The following ADCY1 variants were observed in gnomAD, a reference collection of about 807,000 sequenced individuals.
ADCY1 encodes adenylate cyclase 1.
A neutral mutation model predicts 105.4 loss-of-function variants in ADCY1; 28 were observed. The ratio of observed to expected loss-of-function variants is 0.27; its 90% confidence interval spans 0.20 to 0.36. ADCY1 has a LOEUF of 0.36. ADCY1 is among the 10% of genes least tolerant of loss of function. ADCY1 has a pLI of 1.00. For missense variants in ADCY1, 977 were observed against 1,434.2 expected (o/e 0.68, Z 5.15); for synonymous variants, 655 against 623.8 (o/e 1.05, Z -0.75).
intron 2 of ADCY1, among the ~76,000 whole-genome samples, chr7:45,603,856 G>T (rs1249232980): frequency 1.3e-5 from 2 of 152,030 alleles, no homozygotes; most frequent in Non-Finnish European, 2.9e-5. Flanking sequence ...TTATTTGGAG[G>T]TTCATCCATA....
intron 2 of ADCY1, among the ~76,000 whole-genome samples, chr7:45,602,943 G>A (rs535526253): frequency 6.6e-6 from 1 of 152,220 alleles, no homozygotes; most frequent in African/African-American, 2.4e-5. Flanking sequence ...TCCATTAGCA[G>A]TCACTCTCCA....
intron 5 of ADCY1, among the ~76,000 whole-genome samples, chr7:45,652,504 T>A (rs1794836255): frequency 6.6e-6 from 1 of 152,262 alleles, no homozygotes; most frequent in South Asian, 2.1e-4. Flanking sequence ...GAGAAAGTCT[T>A]TTCCTTGTTG....
intron 11 of ADCY1, among the ~76,000 whole-genome samples, chr7:45,684,067 G>A (rs544040020): frequency 3.3e-5 from 5 of 152,236 alleles, no homozygotes; most frequent in Admixed American, 2.6e-4. Context: ...AGTGATTCAC[G>A]GTCAGTAAAG....
chr7:45,611,250 T>C (rs929361228), intron 3 of ADCY1, among the ~76,000 whole-genome samples: 2 of 151,848 alleles, frequency 1.3e-5, no homozygotes, highest in African/African-American at 4.8e-5. Context: ...GCAGATGTGG[T>C]CAGGAGGTTC....
At chr7:45,636,829 C>G (rs1400465840) in intron 4 of ADCY1, among the ~76,000 whole-genome samples, 2 of 152,244 alleles carry the variant, frequency 1.3e-5, no homozygotes, top group African/African-American at 4.8e-5. Flanking sequence ...GCATGAGCCT[C>G]CATACCCAGC....
In ADCY1 at chr7:45,715,401, A is replaced by G. The variant is rs952149129; in HGVS notation, c.*1406A>G. On this transcript the variant is annotated 3_prime_UTR_variant, in exon 20 of 20. Transcript: ENST00000297323. ...TGCAGATGAGGCCTGAGCCCTGCCT[A>G]TGCTCAAAGCCAGCAGGGTTGGGGG... 1 of 152,446 alleles carries G rather than the reference A, an allele frequency of 6.6e-6. No individual in the cohort carries two copies. The highest frequency in any genetic ancestry group is 2.4e-5 in the African/African-American group (1 of 41,462). The allele number at this position is 152,446 out of a possible 1,614,324, so 9.4% of individuals were successfully genotyped here. A position where few individuals can be genotyped will look rare whatever the true frequency, so the allele number is the denominator to read the frequency against.
At chr7:45,581,260 C>T (rs1256243185) in intron 1 of ADCY1, among the ~76,000 whole-genome samples, 1 of 152,184 alleles carries the variant, frequency 6.6e-6, no homozygotes, top group Non-Finnish European at 1.5e-5. Flanking sequence ...CCACACTGTT[C>T]TGGGCTCAGT....
chr7:45,631,409 G>A (rs991149413), intron 4 of ADCY1, among the ~76,000 whole-genome samples: 6 of 152,202 alleles, frequency 3.9e-5, no homozygotes, highest in Non-Finnish European at 8.8e-5. Context: ...GCAGGAAACT[G>A]CTAATCACTG....
intron 4 of ADCY1, among the ~76,000 whole-genome samples, chr7:45,632,857 C>T (rs1213547118): frequency 2.0e-5 from 3 of 152,132 alleles, no homozygotes; most frequent in African/African-American, 7.2e-5. Flanking sequence ...AGGCATGAAC[C>T]ACCATGCTCG....
chr7:45,685,874 CT>C, intron 12 of ADCY1, 87 bp from the exon 13 acceptor site: 1 of 1,491,706 alleles, frequency 6.7e-7, no homozygotes, highest in Non-Finnish European at 8.9e-7. Flanking sequence ...CTTGGGAGAC[CT>C]GCTTGAAGAG....
At chr7:45,600,079 G>T (rs74515807) in intron 2 of ADCY1, among the ~76,000 whole-genome samples, 2,872 of 152,348 alleles carry the variant, frequency 0.019, 78 homozygotes, top group South Asian at 0.13. Context: ...TAGAGCCCAG[G>T]TGTGGCCGGG....
chr7:45,665,362 C>T (rs1450394679), intron 8 of ADCY1, among the ~76,000 whole-genome samples: 1 of 152,164 alleles, frequency 6.6e-6, no homozygotes, highest in Admixed American at 6.5e-5. Flanking sequence ...TTACGCTCAT[C>T]GCCCACTGGG....
rs956373149 is a variant in ADCY1, at chr7:45,721,442, T to G, written c.*7447T>G. ...CTAATTTCAAATATACAGAATCTCC[T>G]TAAGAGCTGTTGCCTTATTTTTTTG... On this transcript the variant is annotated 3_prime_UTR_variant, in exon 20 of 20. Transcript: ENST00000297323. 5.2e-6 allele frequency: 2 copies of G among 382,602 alleles called. No homozygotes were observed. Among genetic ancestry groups the G allele is most frequent in the East Asian group, 7.4e-5 (2 of 26,870 alleles). 23.7% of individuals were successfully genotyped at this position (382,602 alleles called of 1,614,324 possible). A position where few individuals can be genotyped will look rare whatever the true frequency, so the allele number is the denominator to read the frequency against.
intron 11 of ADCY1, among the ~76,000 whole-genome samples, chr7:45,681,386 T>G (rs1046738870): frequency 2.0e-5 from 3 of 152,182 alleles, no homozygotes; most frequent in African/African-American, 4.8e-5. Context: ...TGCCACTAGC[T>G]CCTTTCCTTC....
rs1393839710 is a variant in ADCY1, at chr7:45,686,405, T to G, written c.2328-142T>G. On this transcript the variant is annotated intron_variant, in intron 13 of 19. Transcript: ENST00000297323. The surrounding 1 kb of genome is among the most constrained non-coding windows in gnomAD (Gnocchi z 4.3). ...ACTCAGATTTCCCTATGATAAGTGA[T>G]TCTTGGCCAAGGTCAATCCCAGCAA... The G allele has an allele frequency of 6.3e-6, 9 of 1,423,510 alleles. No individual in the cohort carries two copies. Among genetic ancestry groups the G allele is most frequent in the African/African-American group, 1.4e-5 (1 of 69,790 alleles). The allele number at this position is 1,423,510 out of a possible 1,614,324, so 88.2% of individuals were successfully genotyped here.
intron 2 of ADCY1, among the ~76,000 whole-genome samples, chr7:45,603,916 A>G (rs763033445): frequency 6.6e-5 from 10 of 152,170 alleles, no homozygotes; most frequent in Non-Finnish European, 1.2e-4. Flanking sequence ...GTGGCATTCT[A>G]TGGTGTGGCT....
chr7:45,662,203 G>C lies in ADCY1; in HGVS notation c.1594G>C (p.Asp532His). The change falls in exon 8 of 20, where the codon GAC (aspartate) becomes CAC (histidine). Residue 532 changes from aspartate (D) to histidine (H), a missense_variant. Physicochemically the swap from Asp to His is moderately conservative, Grantham distance 81. Transcript: ENST00000297323. ...CTTCTCCAATGTCATGACCTGCGAG[G>C]ACGATGACAAGGTAGGAGCAGCCAG... ...IPFSNVMTCE[D>H]DDKRRALRTA... The C allele has an allele frequency of 6.2e-7, 1 of 1,613,102 alleles. No homozygotes were observed. Among genetic ancestry groups the C allele is most frequent in the Non-Finnish European group, 8.5e-7 (1 of 1,179,730 alleles).
chr7:45,638,944 T>G (rs894393623), intron 4 of ADCY1, among the ~76,000 whole-genome samples: 4 of 151,976 alleles, frequency 2.6e-5, no homozygotes, highest in Non-Finnish European at 2.9e-5. Flanking sequence ...TGTTTCTGAG[T>G]CTCTGGTGTT....
intron 11 of ADCY1, 45 bp from the exon 12 acceptor site, chr7:45,684,934 C>A: frequency 6.4e-7 from 1 of 1,550,546 alleles, no homozygotes; most frequent in East Asian, 2.2e-5. Flanking sequence ...CGTGAATCAC[C>A]TTGGTAATCA....
Sources: allele counts gnomAD v4.1 joint callset (sites outside exome capture counted in the v4.1 genomes callset), GRCh38; gene constraint gnomAD v4.1.1; non-coding constraint Gnocchi (gnomAD v3.1); transcripts MANE v1.5; gene names NCBI Gene and HGNC (gene_info 2026-07-23, HGNC 2026-07-21).